CDH6: variants seen among roughly 807,000 people sequenced by gnomAD.
CDH6 encodes the protein cadherin 6, also known as cadherin-6.
In CDH6, 31 loss-of-function variants were observed where a neutral mutation model predicts 78.0. That is an observed-to-expected ratio of 0.40 (90% confidence interval 0.30 to 0.54). CDH6 has a LOEUF of 0.54. Ranked by LOEUF, CDH6 falls within the 20% of genes least tolerant of loss-of-function variation. The pLI, the probability that CDH6 is intolerant of heterozygous loss-of-function variation, is 0.56. For synonymous variants in CDH6, 376 were observed against 368.8 expected (o/e 1.02, Z -0.23); for missense variants, 724 against 975.9 (o/e 0.74, Z 3.44).
intron 8 of CDH6, among the ~76,000 whole-genome samples, 168 bp from the exon 9 acceptor site, chr5:31,316,036 CCAAA>C (rs1262200345): frequency 6.6e-6 from 1 of 152,164 alleles, no homozygotes; most frequent in African/African-American, 2.4e-5. Flanking sequence ...TCCAGATGTA[CCAAA>C]CAATCTAATT....
Position 31,327,211 on chromosome 5 carries a change from T to C in CDH6, c.*3903T>C, listed in dbSNP as rs1478785327. ...GACAATTCTATATACTCAAGCACCA[T>C]AAAAAGTATGCAGTTGAAAAGAAAA... On this transcript the variant is annotated 3_prime_UTR_variant, in exon 12 of 12. Transcript: ENST00000265071. 1 of 186,994 alleles carries C rather than the reference T, an allele frequency of 5.3e-6. No homozygotes were observed. The highest frequency in any genetic ancestry group is 2.3e-5 in the African/African-American group (1 of 42,784). 11.6% of individuals were successfully genotyped at this position (186,994 alleles called of 1,614,324 possible). A position where few individuals can be genotyped will look rare whatever the true frequency, so the allele number is the denominator to read the frequency against.
intron 1 of CDH6, among the ~76,000 whole-genome samples, chr5:31,225,047 T>TA (rs1470568718): frequency 3.3e-5 from 5 of 152,104 alleles, no homozygotes; most frequent in African/African-American, 1.2e-4. Flanking sequence ...GTCTAACAGG[T>TA]AGAAGCCAGG....
intron 2 of CDH6, among the ~76,000 whole-genome samples, chr5:31,275,868 C>G (rs1297775200): frequency 6.6e-6 from 1 of 152,116 alleles, no homozygotes; most frequent in Non-Finnish European, 1.5e-5. Flanking sequence ...CTTTTAGAGG[C>G]CTCAACCTCT....
In CDH6 at chr5:31,323,288, G is replaced by A. The variant is rs762926673; in HGVS notation, c.2353G>A (p.Asp785Asn). ...GCTTGCAGATATGTATGGAGGAGTG[G>A]ACAGTGACAAAGACTCCTAATCTGT... ...KKLADMYGGVDSDKDS is the reference protein window; with the variant it reads ...KKLADMYGGVNSDKDS Residue 785 changes from aspartate (D) to asparagine (N), a missense_variant, in exon 12 of 12, where the codon GAC (aspartate) becomes AAC (asparagine). Around this residue, in one of 3 missense-constraint regions of CDH6, gnomAD observed 220 missense variants for 240.6 expected, o/e 0.91. Transcript: ENST00000265071. The A allele has an allele frequency of 3.1e-6, 5 of 1,609,906 alleles. 1 individual carries two copies. The South Asian group carries it at 4.4e-5, about 14-fold the overall frequency.
chr5:31,262,264 G>T (rs547358115), intron 1 of CDH6, among the ~76,000 whole-genome samples: 1 of 152,186 alleles, frequency 6.6e-6, no homozygotes, highest in Non-Finnish European at 1.5e-5. Flanking sequence ...GCAAATAAAT[G>T]TTCAAAGTAT....
intron 1 of CDH6, among the ~76,000 whole-genome samples, chr5:31,209,919 A>G (rs1036124259): frequency 6.6e-6 from 1 of 151,908 alleles, no homozygotes; most frequent in Non-Finnish European, 1.5e-5. Flanking sequence ...AGAAAAAAAA[A>G]TCTTTCTCAC....
intron 5 of CDH6, among the ~76,000 whole-genome samples, chr5:31,301,738 A>G (rs796589529): frequency 1.3e-4 from 20 of 152,326 alleles, no homozygotes; most frequent in African/African-American, 4.8e-4. Context: ...GTAATTAACT[A>G]AAAGTCGCAG....
At chr5:31,312,467 G>A (rs1172524705) in intron 7 of CDH6, among the ~76,000 whole-genome samples, 2 of 152,246 alleles carry the variant, frequency 1.3e-5, no homozygotes, top group African/African-American at 4.8e-5. Context: ...GGGAGGCCGA[G>A]GTAGGTGGAT....
intron 2 of CDH6, among the ~76,000 whole-genome samples, chr5:31,292,693 C>A (rs1328656249): frequency 6.6e-6 from 1 of 151,562 alleles, no homozygotes; most frequent in Non-Finnish European, 1.5e-5. Flanking sequence ...CAATAAAAAG[C>A]ACTTTTCGAA....
At chr5:31,243,296 C>T (rs1741654739) in intron 1 of CDH6, among the ~76,000 whole-genome samples, 1 of 152,026 alleles carries the variant, frequency 6.6e-6, no homozygotes. Context: ...GCATGTCTTG[C>T]AAGGTAACCA....
intron 1 of CDH6, among the ~76,000 whole-genome samples, chr5:31,266,935 G>A (rs1407656727): frequency 1.3e-5 from 2 of 152,132 alleles, no homozygotes; most frequent in African/African-American, 4.8e-5. Context: ...ACTTTCAATT[G>A]AATTCAAATG....
intron 2 of CDH6, among the ~76,000 whole-genome samples, chr5:31,291,154 G>C (rs972702127): frequency 1.3e-5 from 2 of 152,160 alleles, no homozygotes; most frequent in Admixed American, 1.3e-4. Flanking sequence ...GGAATGCAGA[G>C]TATAATAAAT....
intron 1 of CDH6, among the ~76,000 whole-genome samples, chr5:31,252,243 A>C (rs968389952): frequency 6.6e-6 from 1 of 152,190 alleles, no homozygotes; most frequent in Non-Finnish European, 1.5e-5. Context: ...GAAATTCTAC[A>C]TTAGTACGGG....
chr5:31,205,803 G>A (rs1740501359), intron 1 of CDH6, among the ~76,000 whole-genome samples: 1 of 152,006 alleles, frequency 6.6e-6, no homozygotes, highest in Non-Finnish European at 1.5e-5. Flanking sequence ...GTTACTTAAG[G>A]ATTAAAAATA....
intron 2 of CDH6, 29 bp from the exon 3 acceptor site, chr5:31,293,933 C>T: frequency 1.3e-6 from 2 of 1,481,524 alleles, no homozygotes; most frequent in Non-Finnish European, 1.8e-6. Context: ...TTGACTTTTA[C>T]TTTCTTTAAT....
chr5:31,200,942 C>T (rs374075892), intron 1 of CDH6, among the ~76,000 whole-genome samples: 1 of 152,122 alleles, frequency 6.6e-6, no homozygotes, highest in African/African-American at 2.4e-5. Context: ...TTATCTAATA[C>T]TCTTCATTTA....
At chr5:31,252,785 C>A (rs192484412) in intron 1 of CDH6, among the ~76,000 whole-genome samples, 1 of 151,670 alleles carries the variant, frequency 6.6e-6, no homozygotes, top group East Asian at 1.9e-4. Context: ...AAGAAGGCTG[C>A]CTTTTATGAT....
rs942771556 is a variant in CDH6 at position 31,326,041 on chromosome 5, T to A, written c.*2733T>A. 17 of 231,896 alleles carry A rather than the reference T, an allele frequency of 7.3e-5. No individual in the cohort carries two copies. Among genetic ancestry groups the A allele is most frequent in the African/African-American group, 3.1e-4 (14 of 45,310 alleles). The allele number at this position is 231,896 out of a possible 1,614,324, so 14.4% of individuals were successfully genotyped here. A position where few individuals can be genotyped will look rare whatever the true frequency, so the allele number is the denominator to read the frequency against. On this transcript the variant is annotated 3_prime_UTR_variant, in exon 12 of 12. Coordinates refer to ENST00000265071, the MANE Select transcript of CDH6 (RefSeq NM_004932.4). ...GCAGGTTTTTTTTTTAATTGCTAGGTCCCAGGCAACATGAAAGATTATTGG... is the reference window on the plus strand; with the variant it reads ...GCAGGTTTTTTTTTTAATTGCTAGGACCCAGGCAACATGAAAGATTATTGG...
At chr5:31,234,450 G>C (rs1009957559) in intron 1 of CDH6, among the ~76,000 whole-genome samples, 2 of 152,134 alleles carry the variant, frequency 1.3e-5, no homozygotes, top group African/African-American at 4.8e-5. Context: ...TAATGGGAAG[G>C]TATCCACAGA....
Sources: gnomAD v4.1 joint callset for allele counts (sites outside exome capture counted in the v4.1 genomes callset) on GRCh38, gnomAD v4.1.1 for gene constraint, gnomAD v4.1.1 regional missense constraint, MANE v1.5 for transcripts, NCBI Gene and HGNC (gene_info 2026-07-23, HGNC 2026-07-21) for gene names.